The following LAMA3 variants were observed in gnomAD, a reference collection of about 807,000 sequenced individuals.
The protein encoded by LAMA3 is laminin subunit alpha 3.
Under a neutral mutation model 402.0 loss-of-function variants are expected in LAMA3, and 281 were observed. The ratio of observed to expected loss-of-function variants is 0.70; its 90% CI spans 0.63 to 0.77. The LOEUF (loss-of-function observed/expected upper bound fraction) is 0.77, where lower values mean the gene tolerates loss of function less well. Among genes scored for constraint, LAMA3 ranks in the 30% least tolerant of loss-of-function variants. The pLI is 0.00. For missense variants in LAMA3, 3,840 were observed against 4,215.5 expected, an observed-to-expected ratio of 0.91 and a Z score of 2.47; for synonymous variants, 1,431 against 1,558.4, an observed-to-expected ratio of 0.92 and a Z score of 1.93.
intron 2 of LAMA3, among the ~76,000 whole-genome samples, chr18:23,727,431 T>C (rs2061319429): frequency 6.6e-6 from 1 of 152,166 alleles, no homozygotes; most frequent in Admixed American, 6.5e-5. Context: ...GTTCAAGCCA[T>C]TTTCCTGCCT....
chr18:23,938,841 G>T (rs1423088500), intron 67 of LAMA3, among the ~76,000 whole-genome samples: 1 of 152,072 alleles, frequency 6.6e-6, no homozygotes, highest in Non-Finnish European at 1.5e-5. Flanking sequence ...GAAAGGGGGG[G>T]TATTTAGACT....
chr18:23,914,570 C>G lies in LAMA3; in HGVS notation c.7481+9C>G, dbSNP rs867212066. The G allele has an allele frequency of 1.2e-6, 2 of 1,613,264 alleles. No homozygotes were observed. The highest frequency in any genetic ancestry group is 2.2e-5 in the East Asian group (1 of 44,864). ...CGGGTGAAATTTCAGAGGTACAAGT[C>G]TGATTGACTGTACCTGTGCTCACCA... is the stretch of plus-strand genomic sequence containing the variant. On this transcript the variant is annotated intron_variant, in intron 57 of 74. Transcript: ENST00000313654.
At chr18:23,901,706 AT>A (rs1460621121) in intron 48 of LAMA3, among the ~76,000 whole-genome samples, 2 of 152,250 alleles carry the variant, frequency 1.3e-5, no homozygotes, top group Non-Finnish European at 2.9e-5. Flanking sequence ...AATGAACATA[AT>A]TATCATAATC....
rs746080572 is a variant in LAMA3, at chr18:23,784,051, C to T, written c.1497C>T (p.Leu499=). 10 of 1,613,922 alleles carry T rather than the reference C, an allele frequency of 6.2e-6. No homozygotes were observed. The Admixed American group carries it at 1.5e-4, about 24-fold the overall frequency. The change falls in exon 12 of 75, where the codon CTC becomes CTT. Residue 499 remains leucine (L), a synonymous_variant. Coordinates refer to ENST00000313654, the MANE Select transcript of LAMA3 (RefSeq NM_198129.4). ...GTGACTGTAATCTGGAAGGTGTTCTCCCTGAAATATGTGATGCCCACGGAC... is the reference window on the plus strand; with the variant it reads ...GTGACTGTAATCTGGAAGGTGTTCTTCCTGAAATATGTGATGCCCACGGAC... ...KGCDCNLEGV[L]PEICDAHGRC... is the part of the protein sequence containing the mutation.
chr18:23,722,489 GT>G (rs1321348126), intron 2 of LAMA3, among the ~76,000 whole-genome samples: 1 of 152,172 alleles, frequency 6.6e-6, no homozygotes, highest in Admixed American at 6.5e-5. Flanking sequence ...CAATACTGTT[GT>G]TTTCTTATTA....
chr18:23,736,801 G>A (rs1179804809), intron 2 of LAMA3, among the ~76,000 whole-genome samples: 1 of 152,118 alleles, frequency 6.6e-6, no homozygotes, highest in Non-Finnish European at 1.5e-5. Context: ...AGGGAAGGGG[G>A]TGGAGCTGGG....
Position 23,954,585 on chromosome 18 carries a change from C to T in LAMA3, c.9939C>T (p.Val3313=), listed in dbSNP as rs1185470322. 1 of 1,613,820 alleles carries T rather than the reference C, an allele frequency of 6.2e-7. No homozygotes were observed. Among genetic ancestry groups the T allele is most frequent in the African/African-American group, 1.3e-5 (1 of 74,950 alleles). Residue 3313 remains valine (V), a synonymous_variant, in exon 75 of 75, where the codon GTC becomes GTT. Coordinates refer to ENST00000313654, the MANE Select transcript of LAMA3 (RefSeq NM_198129.4). ...LRNIHVNHIP[V]PVTEALEVQG... Reference sequence around the variant, plus strand: ...ATATTCATGTCAATCACATCCCTGTCCCTGTCACTGAAGCCTTGGAAGTCC... The same window carrying T: ...ATATTCATGTCAATCACATCCCTGTTCCTGTCACTGAAGCCTTGGAAGTCC...
chr18:23,903,667 T>A (rs964784332), intron 49 of LAMA3, among the ~76,000 whole-genome samples: 1 of 152,240 alleles, frequency 6.6e-6, no homozygotes, highest in Admixed American at 6.5e-5. Context: ...CAACTTTATA[T>A]TGATGATAAC....
chr18:23,770,908 G>T (rs1217638947), intron 8 of LAMA3, among the ~76,000 whole-genome samples: 2 of 152,124 alleles, frequency 1.3e-5, no homozygotes, highest in Middle Eastern at 3.4e-3. Context: ...TTATTAAAAA[G>T]GCTGACAACA....
chr18:23,832,889 A>C (rs948867167), intron 23 of LAMA3, among the ~76,000 whole-genome samples: 13 of 152,232 alleles, frequency 8.5e-5, no homozygotes, highest in African/African-American at 3.1e-4. Context: ...AGCAATAATC[A>C]AATTATAATA....
At chr18:23,820,569 G>A (rs916508316) in intron 19 of LAMA3, among the ~76,000 whole-genome samples, 2 of 151,838 alleles carry the variant, frequency 1.3e-5, no homozygotes, top group African/African-American at 4.8e-5. Flanking sequence ...CATCTATCTT[G>A]GCTTTGTATT....
chr18:23,724,411 T>A (rs1333354325), intron 2 of LAMA3, among the ~76,000 whole-genome samples: 4 of 152,182 alleles, frequency 2.6e-5, no homozygotes, highest in Non-Finnish European at 5.9e-5. Context: ...AAAAGCTTCC[T>A]TGGAGTTTTC....
chr18:23,861,723 C>T lies in LAMA3; in HGVS notation c.4500C>T (p.Asn1500=), dbSNP rs12607747. The change falls in exon 35 of 75, where the codon AAC becomes AAT. Residue 1500 remains asparagine, a synonymous_variant. Transcript: ENST00000313654. Reference sequence around the variant, plus strand: ...CTGTCTCTTTCAACCCAGGCAGCAACAGTATGGTGGCGGATCTCCAGGAGC... The same window carrying T: ...CTGTCTCTTTCAACCCAGGCAGCAATAGTATGGTGGCGGATCTCCAGGAGC... The part of the protein sequence containing the change: ...DIPVSFNPGS[N]SMVADLQELP... 174 of 1,614,150 alleles carry T rather than the reference C, an allele frequency of 1.1e-4. No homozygotes were observed. The East Asian group carries it at 3.6e-3, about 33-fold the overall frequency.
At chr18:23,776,818 G>A (rs1430663167) in intron 10 of LAMA3, among the ~76,000 whole-genome samples, 1 of 150,908 alleles carries the variant, frequency 6.6e-6, no homozygotes, top group African/African-American at 2.4e-5. Context: ...CTTGGTAGAA[G>A]GCTGAACAGA....
rs2081574162 is a variant in LAMA3, at chr18:23,915,288, G to C, written c.7645-1G>C. 3.7e-6 allele frequency: 6 copies of C among 1,613,266 alleles called. No homozygotes were observed. The highest frequency in any genetic ancestry group is 5.1e-6 in the Non-Finnish European group (6 of 1,179,662). ...TGGAAGATGTTTTATTTCATTTTCA[G>C]CTTCCCAGTCGACTAAGTTTCCCTC... On this transcript the variant is annotated splice_acceptor_variant, in intron 58 of 74. Coordinates refer to ENST00000313654, the MANE Select transcript of LAMA3 (RefSeq NM_198129.4). LOFTEE classifies it high-confidence loss of function.
chr18:23,931,815 T>C, intron 65 of LAMA3: 2 of 355,166 alleles, frequency 5.6e-6, no homozygotes, highest in Non-Finnish European at 1.1e-5. Flanking sequence ...GGTGCTACTC[T>C]GTTCCGTTTC....
intron 59 of LAMA3, among the ~76,000 whole-genome samples, chr18:23,916,202 C>T (rs12607787): frequency 0.16 from 24,321 of 151,848 alleles, 2,861 homozygotes; most frequent in East Asian, 0.6. Context: ...ATGAGGTGGA[C>T]CAAATATTTA....
intron 19 of LAMA3, among the ~76,000 whole-genome samples, chr18:23,821,964 C>A (rs2063293339): frequency 6.6e-6 from 1 of 152,200 alleles, no homozygotes; most frequent in Non-Finnish European, 1.5e-5. Flanking sequence ...TAATACTCCA[C>A]TCTGTCTGCC....
At chr18:23,791,135 C>G (rs1241955563) in intron 12 of LAMA3, among the ~76,000 whole-genome samples, 1 of 152,174 alleles carries the variant, frequency 6.6e-6, no homozygotes, top group African/African-American at 2.4e-5. Flanking sequence ...CTCAGCCTCC[C>G]AAAGTGCTGG....
Sources: gnomAD v4.1 joint callset for allele counts (sites outside exome capture counted in the v4.1 genomes callset) on GRCh38, gnomAD v4.1.1 for gene constraint, MANE v1.5 for transcripts, NCBI Gene and HGNC (gene_info 2026-07-23, HGNC 2026-07-21) for gene names.